The following OGG1 variants were observed in gnomAD, a reference collection of about 807,000 sequenced individuals.
OGG1 encodes 8-oxoguanine DNA glycosylase, also known as N-glycosylase/DNA lyase.
A neutral mutation model predicts 42.3 loss-of-function variants in OGG1; 35 were observed. The ratio of observed to expected loss-of-function variants is 0.83; its 90% CI spans 0.63 to 1.10. The LOEUF is 1.10. Ranked by LOEUF, OGG1 falls within the 50% of genes least tolerant of loss-of-function variation. The pLI is 0.00. For synonymous variants in OGG1, 189 were observed against 179.0 expected (o/e 1.06, Z -0.44); for missense variants, 484 against 446.7 (o/e 1.08, Z -0.75).
At chr3:9,786,088 G>A (rs1432133438) in intron 3 of OGG1, among the ~76,000 whole-genome samples, 4 of 152,120 alleles carry the variant, frequency 2.6e-5, no homozygotes, top group African/African-American at 9.7e-5. Context: ...ACAGGCGCCT[G>A]CCACTATGCC....
At chr3:9,753,859 A>G (rs3219008) in intron 3 of OGG1, among the ~76,000 whole-genome samples, 42,592 of 152,196 alleles carry the variant, frequency 0.28, 6,815 homozygotes, top group East Asian at 0.56. Context: ...GGCGTTAGCC[A>G]GGTGGGGTAG....
At chr3:9,769,470 A>T (rs2078247398), downstream of OGG1, among the ~76,000 whole-genome samples, 1 of 151,832 alleles carries the variant, frequency 6.6e-6, no homozygotes, top group Non-Finnish European at 1.5e-5. Flanking sequence ...GGAACAAAAA[A>T]CACACAGATT....
chr3:9,785,502 T>A, intron 3 of OGG1: 3 of 946,894 alleles, frequency 3.2e-6, no homozygotes, highest in Non-Finnish European at 4.9e-6. Flanking sequence ...ACACTGACAG[T>A]CTTCAAACAC....
At position 9,751,494 on chromosome 3, in the gene OGG1, G is replaced by A. The variant is rs183514136; in HGVS notation, c.386-276G>A. ...TAAATATATACAAAGCATCTGCTGT[G>A]TGACCGGGGATACACCAGTGAACAA... On this transcript the variant is annotated intron_variant, in intron 2 of 6. Transcript: ENST00000344629. Among the ~76,000 whole-genome samples, 3 of 152,316 alleles carry A rather than the reference G, an allele frequency of 2.0e-5. No individual in the cohort carries two copies. The East Asian group carries it at 5.8e-4, about 29-fold the overall frequency.
exon 8 of OGG1, chr3:9,766,337 A>C (rs2078150963): frequency 1.5e-5 from 10 of 685,662 alleles, no homozygotes; most frequent in Non-Finnish European, 2.7e-5. Context: ...GGGCTTTTGG[A>C]TTATGTGTAC....
downstream of OGG1, among the ~76,000 whole-genome samples, chr3:9,768,610 G>T (rs1249912470): frequency 6.6e-6 from 1 of 152,208 alleles, no homozygotes; most frequent in Non-Finnish European, 1.5e-5. Flanking sequence ...GCTTGCTGAG[G>T]GCAAAGGCCA....
rs752631103 is a variant in OGG1, at chr3:9,754,775, C to T, written c.637C>T (p.Arg213Ter). 1.2e-5 allele frequency: 19 copies of T among 1,613,886 alleles called. No individual in the cohort carries two copies. Among genetic ancestry groups the T allele is most frequent in the East Asian group, 8.9e-5 (4 of 44,890 alleles). The change falls in exon 4 of 7, where the codon CGA becomes TGA. Residue 213 changes from arginine to a stop codon, truncating the protein, a stop_gained. Transcript: ENST00000344629. LOFTEE classifies it high-confidence loss of function. ...YRARYVSASA[R>*]AILEEQGGLA... Reference sequence around the variant, plus strand: ...TGCCCGTTACGTGAGTGCCAGTGCCCGAGCCATCCTGGAAGAACAGGGCGG... The same window carrying T: ...TGCCCGTTACGTGAGTGCCAGTGCCTGAGCCATCCTGGAAGAACAGGGCGG...
At chr3:9,764,611 GTTTTTGTTTTTTTTTTGTTTTTT>G (rs920858248) in intron 7 of OGG1, among the ~76,000 whole-genome samples, 2 of 125,076 alleles carry the variant, frequency 1.6e-5, no homozygotes, top group Non-Finnish European at 3.2e-5. Flanking sequence ...TGCGCCTGGC[GTTTTTGTTTTTTTTTTGTTTTTT>G]TTTTTTTTTT....
At chr3:9,785,938 TTTTG>T (rs963678930) in intron 3 of OGG1, among the ~76,000 whole-genome samples, 14 of 145,030 alleles carry the variant, frequency 9.7e-5, no homozygotes, top group South Asian at 2.1e-4. Flanking sequence ...CCTTGTTTTG[TTTTG>T]TTTTTTTTTT....
In OGG1 at chr3:9,751,200, C is replaced by T. The variant is rs2077287902; in HGVS notation, c.385+8C>T. ...TGGCTCAGAAATTCCAAGGTGAGTACAGGACCTGGGCTGGGGTTAGGGTTC... is the reference window on the plus strand; with the variant it reads ...TGGCTCAGAAATTCCAAGGTGAGTATAGGACCTGGGCTGGGGTTAGGGTTC... On this transcript the variant is annotated splice_region_variant and intron_variant, in intron 2 of 6. Coordinates refer to ENST00000344629, the MANE Select transcript of OGG1 (RefSeq NM_002542.6). 4 of 1,613,460 alleles carry T rather than the reference C, an allele frequency of 2.5e-6. 1 individual carries two copies. The South Asian group carries it at 4.4e-5, about 18-fold the overall frequency.
chr3:9,780,089 G>C (rs999565639), intron 2 of OGG1: 4 of 370,050 alleles, frequency 1.1e-5, no homozygotes, highest in African/African-American at 8.2e-5. Flanking sequence ...GGTAAAGAGG[G>C]GAAGAGGAAG....
chr3:9,756,429 G>A, intron 4 of OGG1, 42 bp from the exon 5 acceptor site: 1 of 1,610,856 alleles, frequency 6.2e-7, no homozygotes, highest in Non-Finnish European at 8.5e-7. Context: ...CTGGCCACAT[G>A]CTGCCCTTCT....
downstream of OGG1, among the ~76,000 whole-genome samples, chr3:9,766,899 C>T (rs956183170): frequency 1.3e-5 from 2 of 152,118 alleles, no homozygotes; most frequent in Non-Finnish European, 2.9e-5. Context: ...AAGTGTCTCC[C>T]GGTGGCCTAT....
Position 9,756,591 on chromosome 3 carries a change from GGACCGAGCCCCCA to G in OGG1, c.873_885del (p.Ser292ThrfsTer110). 1 of 1,614,108 alleles carries G rather than the reference GGACCGAGCCCCCA, an allele frequency of 6.2e-7. No individual in the cohort carries two copies. The highest frequency in any genetic ancestry group is 8.5e-7 in the Non-Finnish European group (1 of 1,179,944). On this transcript the variant is annotated frameshift_variant, in exon 5 of 7. Coordinates refer to ENST00000344629, the MANE Select transcript of OGG1 (RefSeq NM_002542.6). LOFTEE classifies it high-confidence loss of function. ...GCACCCTACCACGTCCCAGGCGAAG[GGACCGAGCCCCCA>G]GACCAACAAGGAACTGGGTGAGGAA...
intron 4 of OGG1, 72 bp from the exon 5 acceptor site, chr3:9,756,399 T>A (rs529435993): frequency 6.5e-6 from 10 of 1,528,212 alleles, no homozygotes; most frequent in Admixed American, 1.7e-5. Context: ...GCAGCCGGCT[T>A]TGGGGCTATA....
intron 3 of OGG1, 154 bp downstream of exon 3, chr3:9,752,103 C>A: frequency 2.9e-6 from 2 of 689,564 alleles, no homozygotes; most frequent in Admixed American, 2.3e-5. Flanking sequence ...AGTTACTCAT[C>A]CTCCCTATGC....
Position 9,750,044 on chromosome 3 carries a change from G to A in OGG1, c.-243G>A, listed in dbSNP as rs190898102. 1.8e-6 allele frequency: 1 copy of A among 565,714 alleles called. No homozygotes were observed. Among genetic ancestry groups the A allele is most frequent in the Non-Finnish European group, 3.1e-6 (1 of 319,440 alleles). 35.0% of individuals were successfully genotyped at this position (565,714 alleles called of 1,614,324 possible). ...GGCGGGAGAAGATAAGTCGCAAGGA[G>A]GGGGCGGGACCTACACCTCAGGAAA... On this transcript the variant is annotated 5_prime_UTR_variant, in exon 1 of 7. Coordinates refer to ENST00000344629, the MANE Select transcript of OGG1 (RefSeq NM_002542.6).
exon 8 of OGG1, chr3:9,766,079 T>C: frequency 6.5e-7 from 1 of 1,546,762 alleles, no homozygotes; most frequent in African/African-American, 1.4e-5. Context: ...CAAAGTAGTC[T>C]CTCCCCTGGC....
intron 3 of OGG1, chr3:9,787,325 TC>T: frequency 6.2e-7 from 1 of 1,612,374 alleles, no homozygotes; most frequent in Non-Finnish European, 8.5e-7. Context: ...GAGTAGTGCT[TC>T]CCCAGGGGTG....
Sources: gnomAD v4.1 joint callset for allele counts (sites outside exome capture counted in the v4.1 genomes callset) on GRCh38, gnomAD v4.1.1 for gene constraint, MANE v1.5 for transcripts, NCBI Gene and HGNC (gene_info 2026-07-23, HGNC 2026-07-21) for gene names.